ANKRD30A: variants seen among roughly 807,000 people sequenced by gnomAD.
The protein encoded by ANKRD30A is ankyrin repeat domain 30A.
A neutral mutation model predicts 166.3 loss-of-function variants in ANKRD30A; 170 were observed. The ratio of observed to expected loss-of-function variants is 1.02; its 90% CI spans 0.90 to 1.16. The LOEUF (loss-of-function observed/expected upper bound fraction) is 1.16, where lower values mean the gene tolerates loss of function less well. Ranked by LOEUF, ANKRD30A falls within the 50% of genes most tolerant of loss-of-function variation. The pLI is 0.00. For synonymous variants in ANKRD30A, 564 were observed against 508.9 expected, an observed-to-expected ratio of 1.11 and a Z score of -1.46; for missense variants, 1,630 against 1,518.0, an observed-to-expected ratio of 1.07 and a Z score of -1.23.
chr10:37,179,367 T>A, intron 24 of ANKRD30A, among the ~76,000 whole-genome samples: 1 of 150,128 alleles, frequency 6.7e-6, no homozygotes, highest in Non-Finnish European at 1.5e-5. Flanking sequence ...AATACATCAA[T>A]ATTGAAAGCT....
intron 34 of ANKRD30A, among the ~76,000 whole-genome samples, chr10:37,231,223 CA>C (rs61434242): frequency 0.013 from 1,915 of 144,562 alleles, 16 homozygotes; most frequent in Non-Finnish European, 0.02. Flanking sequence ...GTCATGGCGG[CA>C]AAAAAAAAAC....
intron 34 of ANKRD30A, among the ~76,000 whole-genome samples, chr10:37,228,256 A>G (rs941806631): frequency 1.3e-5 from 2 of 152,154 alleles, no homozygotes; most frequent in East Asian, 3.9e-4. Context: ...ATTTTGTTGT[A>G]TGATATGAAG....
chr10:37,253,748 C>T, the ANKRD30A span, among the ~76,000 whole-genome samples: 34 of 151,668 alleles, frequency 2.2e-4, no homozygotes, highest in Middle Eastern at 0.01. Context: ...CCGGGCTTCA[C>T]GCCATTCTCC....
the ANKRD30A span, among the ~76,000 whole-genome samples, chr10:37,251,444 C>T: frequency 6.6e-6 from 1 of 152,204 alleles, no homozygotes; most frequent in Non-Finnish European, 1.5e-5. Flanking sequence ...TTGTCTAACA[C>T]AGGGTCACCT....
rs758243246 is a variant in ANKRD30A at position 37,144,962 on chromosome 10, A to G, written c.1394-33A>G. The G allele has an allele frequency of 3.5e-6, 4 of 1,135,542 alleles. No homozygotes were observed. The Admixed American group carries it at 1.5e-4, about 42-fold the overall frequency. The allele number at this position is 1,135,542 out of a possible 1,614,324, so 70.3% of individuals were successfully genotyped here. A position where few individuals can be genotyped will look rare whatever the true frequency, so the allele number is the denominator to read the frequency against. On this transcript the variant is annotated intron_variant, in intron 7 of 35. Coordinates refer to ENST00000361713, the MANE Select transcript of ANKRD30A (RefSeq NM_052997.3). ...TTAAAAATTTATAATAAGAAATGTT[A>G]TCATGAATATATCTGTGATTAACTT...
At chr10:37,133,089 A>G (rs1052617641) in intron 4 of ANKRD30A, among the ~76,000 whole-genome samples, 2 of 152,178 alleles carry the variant, frequency 1.3e-5, no homozygotes, top group Admixed American at 1.3e-4. Flanking sequence ...TCTTTGAAGA[A>G]TATTAATTTT....
chr10:37,197,504 C>G (rs571785842), intron 29 of ANKRD30A, 24 bp downstream of exon 29: 60 of 1,611,334 alleles, frequency 3.7e-5, no homozygotes, highest in South Asian at 8.8e-5. Context: ...TGTAACTATG[C>G]GAAGACCAAT....
rs184694509 is a variant in ANKRD30A, at chr10:37,159,674, T to C, written c.1900+1088T>C. ...TTTCATGTCTTAAATTTTCTTCTAT[T>C]TTTGTTTGTATTTTTTTCTTCAGTT... On this transcript the variant is annotated intron_variant, in intron 15 of 35. Transcript: ENST00000361713. 1.4e-4 allele frequency among the ~76,000 whole-genome samples: 21 copies of C among 152,248 alleles called. No homozygotes were observed. The East Asian group carries it at 4.0e-3, about 29-fold the overall frequency.
At position 37,194,486 on chromosome 10, in the gene ANKRD30A, G is replaced by A. The variant is rs376088050; in HGVS notation, c.2614+1228G>A. Among the ~76,000 whole-genome samples, 55 of 151,814 alleles carry A rather than the reference G, an allele frequency of 3.6e-4. 1 individual carries two copies. Among genetic ancestry groups the A allele is most frequent in the African/African-American group, 1.1e-3 (47 of 41,404 alleles). ...CTCCCGAGTAGCTGGGACTCCAGGCGCGTGCCACCACGCCTGGCTAATGTT... is the reference window on the plus strand; with the variant it reads ...CTCCCGAGTAGCTGGGACTCCAGGCACGTGCCACCACGCCTGGCTAATGTT... On this transcript the variant is annotated intron_variant, in intron 27 of 35. Transcript: ENST00000361713.
chr10:37,259,689 A>G, the ANKRD30A span, among the ~76,000 whole-genome samples: 1 of 152,244 alleles, frequency 6.6e-6, no homozygotes, highest in Non-Finnish European at 1.5e-5. Context: ...GCTATATGCA[A>G]CAACATGGAT....
At chr10:37,198,499 G>T (rs2132683916) in intron 29 of ANKRD30A, among the ~76,000 whole-genome samples, 1 of 151,978 alleles carries the variant, frequency 6.6e-6, no homozygotes, top group African/African-American at 2.4e-5. Context: ...CTGATTTTTT[G>T]GTTATTAGAA....
At position 37,193,219 on chromosome 10, in the gene ANKRD30A, A is replaced by G. The variant is rs1169265636; in HGVS notation, c.2575A>G (p.Lys859Glu). 2 of 1,611,846 alleles carry G rather than the reference A, an allele frequency of 1.2e-6. No individual in the cohort carries two copies. Among genetic ancestry groups the G allele is most frequent in the Non-Finnish European group, 1.7e-6 (2 of 1,179,356 alleles). ...PCRMKVSIPT[K>E]ALELMDMQTF... ...CAGAATGAAAGTTTCTATTCCAACTAAAGCCTTAGAATTGATGGACATGCA... is the reference window on the plus strand; with the variant it reads ...CAGAATGAAAGTTTCTATTCCAACTGAAGCCTTAGAATTGATGGACATGCA... The change falls in exon 27 of 36, where the codon AAA (lysine) becomes GAA (glutamate). Residue 859 changes from lysine (K) to glutamate (E), a missense_variant. Physicochemically the swap from Lys to Glu is moderately conservative, Grantham distance 56 (BLOSUM62 1). Coordinates refer to ENST00000361713, the MANE Select transcript of ANKRD30A (RefSeq NM_052997.3).
In ANKRD30A at chr10:37,165,249, G is replaced by C. The variant is rs999656584; in HGVS notation, c.2064+94G>C. On this transcript the variant is annotated intron_variant, in intron 18 of 35. Transcript: ENST00000361713. ...AGTCTTTATTTTCTCACCTCTGCAT[G>C]TGTCACCCTCAAATTATTTTTGATG... is the stretch of plus-strand genomic sequence containing the variant. The C allele has an allele frequency of 4.4e-6, 5 of 1,146,340 alleles. No homozygotes were observed. The African/African-American group carries it at 8.2e-5, about 19-fold the overall frequency. The allele number at this position is 1,146,340 out of a possible 1,614,324, so 71.0% of individuals were successfully genotyped here.
intron 34 of ANKRD30A, among the ~76,000 whole-genome samples, chr10:37,229,173 TA>T (rs1338722607): frequency 6.6e-6 from 1 of 151,986 alleles, no homozygotes; most frequent in Non-Finnish European, 1.5e-5. Context: ...TGGAATATGG[TA>T]AGAGGTATAC....
At chr10:37,200,772 C>G (rs942767165) in intron 30 of ANKRD30A, among the ~76,000 whole-genome samples, 1 of 152,042 alleles carries the variant, frequency 6.6e-6, no homozygotes, top group African/African-American at 2.4e-5. Flanking sequence ...ATGACAGACT[C>G]TAAAAGTTCT....
intron 17 of ANKRD30A, among the ~76,000 whole-genome samples, chr10:37,164,501 A>G (rs1839148703): frequency 6.6e-6 from 1 of 152,108 alleles, no homozygotes; most frequent in Non-Finnish European, 1.5e-5. Flanking sequence ...GCAGTTCTTA[A>G]TTTATATGCA....
At chr10:37,264,157 T>TG in the ANKRD30A span, among the ~76,000 whole-genome samples, 1 of 152,196 alleles carries the variant, frequency 6.6e-6, no homozygotes, top group East Asian at 1.9e-4. Flanking sequence ...TTATTGATTT[T>TG]GTCCATTCAG....
chr10:37,165,163 G>C lies in ANKRD30A; in HGVS notation c.2064+8G>C. The C allele has an allele frequency of 4.4e-6, 7 of 1,603,046 alleles. No individual in the cohort carries two copies. The highest frequency in any genetic ancestry group is 1.3e-5 in the African/African-American group (1 of 74,786). ...AATTCTTGGGATACTGAGGTACTGT[G>C]TGTTGTTGATTTTTTTAAATATTAG... On this transcript the variant is annotated splice_region_variant and intron_variant, in intron 18 of 35. Coordinates refer to ENST00000361713, the MANE Select transcript of ANKRD30A (RefSeq NM_052997.3).
intron 1 of ANKRD30A, among the ~76,000 whole-genome samples, chr10:37,127,549 G>A (rs565175384): frequency 2.0e-5 from 3 of 152,022 alleles, no homozygotes; most frequent in South Asian, 2.1e-4. Context: ...AAAAATCTTC[G>A]CTTTATAGAG....
Sources: gnomAD v4.1 joint callset for allele counts (sites outside exome capture counted in the v4.1 genomes callset) on GRCh38, gnomAD v4.1.1 for gene constraint, MANE v1.5 for transcripts, NCBI Gene and HGNC (gene_info 2026-07-23, HGNC 2026-07-21) for gene names.